Variants in FUT9 observed in about 807,000 individuals in gnomAD.
The protein encoded by FUT9 is fucosyltransferase 9.
FUT9 carries 15 observed loss-of-function variants against 29.7 expected under a neutral mutation model. The observed-to-expected ratio is 0.51, with a 90% CI of 0.34 to 0.78. The LOEUF (loss-of-function observed/expected upper bound fraction) is 0.78, where lower values mean the gene tolerates loss of function less well. FUT9 is among the 30% of genes least tolerant of loss of function. The pLI, the probability that FUT9 is intolerant of heterozygous loss-of-function variation, is 0.01. For missense variants in FUT9, 319 were observed against 425.4 expected (o/e 0.75, Z 2.20); for synonymous variants, 169 against 153.7 (o/e 1.10, Z -0.74).
chr6:96,197,155 A>G (rs200799388), intron 2 of FUT9, among the ~76,000 whole-genome samples: 1 of 152,194 alleles, frequency 6.6e-6, no homozygotes, highest in African/African-American at 2.4e-5. Context: ...CAAAAATGAA[A>G]GAAGAAAAAA....
chr6:96,124,085 G>A (rs1772084484), intron 2 of FUT9, among the ~76,000 whole-genome samples: 1 of 151,436 alleles, frequency 6.6e-6, no homozygotes, highest in Non-Finnish European at 1.5e-5. Flanking sequence ...TACACATTTT[G>A]TGGGATCACA....
intron 1 of FUT9, among the ~76,000 whole-genome samples, chr6:96,025,951 C>T (rs976610233): frequency 6.6e-6 from 1 of 151,746 alleles, no homozygotes; most frequent in East Asian, 1.9e-4. Context: ...TTCCCTGGGT[C>T]CCAATTTCCA....
chr6:96,100,808 C>A (rs1242407018), intron 1 of FUT9, among the ~76,000 whole-genome samples: 1 of 152,122 alleles, frequency 6.6e-6, no homozygotes, highest in Non-Finnish European at 1.5e-5. Context: ...AGAAAGTTAT[C>A]ATTTGTGACA....
chr6:96,142,505 G>T (rs1025899738), intron 2 of FUT9, among the ~76,000 whole-genome samples: 2 of 152,072 alleles, frequency 1.3e-5, no homozygotes, highest in African/African-American at 4.8e-5. Flanking sequence ...TCAGAATCCG[G>T]ACAGACTTCA....
chr6:96,036,621 T>C (rs1172058820), intron 1 of FUT9: 2 of 151,952 alleles, frequency 1.3e-5, no homozygotes, highest in African/African-American at 4.8e-5. Context: ...TATAACATAA[T>C]GTAAATTGTT....
chr6:96,186,406 C>T (rs1000830138), intron 2 of FUT9, among the ~76,000 whole-genome samples: 1 of 152,014 alleles, frequency 6.6e-6, no homozygotes, highest in African/African-American at 2.4e-5. Flanking sequence ...TAGCAATGCC[C>T]CATCTAAGGT....
chr6:96,064,840 A>G (rs1341562020), intron 1 of FUT9, among the ~76,000 whole-genome samples: 5 of 152,152 alleles, frequency 3.3e-5, no homozygotes, highest in Non-Finnish European at 5.9e-5. Context: ...CTAGAACTGA[A>G]TGTCGAAGAA....
intron 1 of FUT9, among the ~76,000 whole-genome samples, chr6:96,044,352 A>G (rs552576370): frequency 6.6e-6 from 1 of 152,240 alleles, no homozygotes; most frequent in Non-Finnish European, 1.5e-5. Flanking sequence ...AAGAGACAGA[A>G]CTAAATAGCA....
chr6:96,200,753 G>C (rs9404424), intron 2 of FUT9, among the ~76,000 whole-genome samples: 25,690 of 151,924 alleles, frequency 0.17, 2,489 homozygotes, highest in East Asian at 0.24. Context: ...CATATTAAAA[G>C]TTAATGTTTT....
chr6:96,169,652 TA>T (rs1773076481), intron 2 of FUT9, among the ~76,000 whole-genome samples: 1 of 152,280 alleles, frequency 6.6e-6, no homozygotes, highest in African/African-American at 2.4e-5. Context: ...TTAGGTTTTT[TA>T]AAATCAAAGA....
At chr6:96,161,277 G>A (rs1303934684) in intron 2 of FUT9, among the ~76,000 whole-genome samples, 1 of 152,070 alleles carries the variant, frequency 6.6e-6, no homozygotes, top group African/African-American at 2.4e-5. Context: ...TTATAAAATA[G>A]GCTCAAGGAA....
intron 1 of FUT9, among the ~76,000 whole-genome samples, chr6:96,039,940 A>G (rs1054824930): frequency 9.1e-6 from 1 of 110,184 alleles, no homozygotes; most frequent in African/African-American, 3.6e-5. Context: ...TGGACTTTAA[A>G]TTCAAACTAT....
rs1477391130 is a variant in FUT9, at chr6:96,206,025, T to C, written c.*1790T>C. The C allele has an allele frequency of 6.0e-6, 1 of 166,992 alleles. No homozygotes were observed. The highest frequency in any genetic ancestry group is 1.9e-4 in the East Asian group (1 of 5,186). 10.3% of individuals were successfully genotyped at this position (166,992 alleles called of 1,614,324 possible). On this transcript the variant is annotated 3_prime_UTR_variant, in exon 3 of 3. Coordinates refer to ENST00000302103, the MANE Select transcript of FUT9 (RefSeq NM_006581.4). ...GATAAGATGAACAAGGTACTATCAC[T>C]GCCTAAAATGAGCTTACAATTAAGT... is the stretch of plus-strand genomic sequence containing the variant.
At chr6:96,112,872 G>A (rs892131493) in intron 1 of FUT9, among the ~76,000 whole-genome samples, 1 of 152,100 alleles carries the variant, frequency 6.6e-6, no homozygotes, top group Non-Finnish European at 1.5e-5. Flanking sequence ...TTATTCCATA[G>A]TTTAAAGATA....
intron 2 of FUT9, among the ~76,000 whole-genome samples, chr6:96,177,402 C>T (rs1304503578): frequency 6.6e-6 from 1 of 151,912 alleles, no homozygotes; most frequent in Non-Finnish European, 1.5e-5. Context: ...TAAATTTCCC[C>T]TACAACAGTC....
chr6:96,062,179 T>C (rs1770886494), intron 1 of FUT9, among the ~76,000 whole-genome samples: 1 of 151,714 alleles, frequency 6.6e-6, no homozygotes, highest in Non-Finnish European at 1.5e-5. Context: ...TCTCAGAACT[T>C]AAACTGTAAT....
intron 2 of FUT9, among the ~76,000 whole-genome samples, chr6:96,152,135 T>C (rs9404309): frequency 0.17 from 26,433 of 152,158 alleles, 2,656 homozygotes; most frequent in East Asian, 0.24. Flanking sequence ...GCCTGTCTTT[T>C]AAAGTCTGGT....
At chr6:96,048,547 TC>T (rs753918427) in intron 1 of FUT9, among the ~76,000 whole-genome samples, 1 of 152,170 alleles carries the variant, frequency 6.6e-6, no homozygotes, top group Non-Finnish European at 1.5e-5. Flanking sequence ...TAAATGGTAC[TC>T]CCATTCATGA....
At chr6:96,190,857 C>T (rs1773494397) in intron 2 of FUT9, among the ~76,000 whole-genome samples, 2 of 152,118 alleles carry the variant, frequency 1.3e-5, no homozygotes, top group African/African-American at 2.4e-5. Flanking sequence ...TTCAAACTTT[C>T]TCCTTTAGCT....
Sources: gnomAD v4.1 joint callset for allele counts (sites outside exome capture counted in the v4.1 genomes callset) on GRCh38, gnomAD v4.1.1 for gene constraint, MANE v1.5 for transcripts, NCBI Gene and HGNC (gene_info 2026-07-23, HGNC 2026-07-21) for gene names.